The following HOOK1 variants were observed in gnomAD, a reference collection of about 807,000 sequenced individuals.
HOOK1 encodes the protein hook microtubule tethering protein 1.
Under a neutral mutation model 112.8 loss-of-function variants are expected in HOOK1, and 60 were observed. The observed-to-expected ratio is 0.53, with a 90% CI of 0.43 to 0.66. The LOEUF (loss-of-function observed/expected upper bound fraction) is 0.66. Among genes scored for constraint, HOOK1 ranks in the 30% least tolerant of loss-of-function variants. The probability of loss-of-function intolerance (pLI) is 0.00; values close to 1 mark genes in which losing one functional copy is unlikely to be tolerated. For missense variants in HOOK1, 770 were observed against 856.0 expected (o/e 0.90, Z 1.25); for synonymous variants, 294 against 283.8 (o/e 1.04, Z -0.36).
intron 12 of HOOK1, among the ~76,000 whole-genome samples, chr1:59,850,007 CA>C (rs1168818678): frequency 6.6e-6 from 1 of 151,412 alleles, no homozygotes; most frequent in African/African-American, 2.4e-5. Context: ...ATATGGTAAC[CA>C]AGTTTAACTT....
intron 12 of HOOK1, among the ~76,000 whole-genome samples, chr1:59,853,720 G>A (rs1175397953): frequency 6.6e-6 from 1 of 151,214 alleles, no homozygotes; most frequent in Non-Finnish European, 1.5e-5. Context: ...TAGTTCCTTA[G>A]TTTCTTTTAC....
intron 12 of HOOK1, among the ~76,000 whole-genome samples, chr1:59,854,026 ATATATATATATATTTTTTTTTTTTTTT>A (rs1376941554): frequency 1.8e-4 from 4 of 22,714 alleles, no homozygotes; most frequent in East Asian, 8.8e-4. Context: ...ATATATATAT[ATATATATATATATTTTTTTTTTTTTTT>A]TTTTTTTTTT....
At chr1:59,848,169 G>C (rs1432148445) in intron 10 of HOOK1, 146 bp from the exon 11 acceptor site, 2 of 596,316 alleles carry the variant, frequency 3.4e-6, no homozygotes, top group Admixed American at 6.6e-5. Context: ...TTCTTACAAA[G>C]TTTACAATTT....
intron 15 of HOOK1, among the ~76,000 whole-genome samples, chr1:59,862,511 G>C (rs182389565): frequency 6.6e-6 from 1 of 151,918 alleles, no homozygotes; most frequent in South Asian, 2.1e-4. Context: ...CAGTGAGTGC[G>C]GTGTAGAAAT....
chr1:59,860,720 A>G (rs374829545), intron 15 of HOOK1, among the ~76,000 whole-genome samples: 244 of 151,670 alleles, frequency 1.6e-3, no homozygotes, highest in African/African-American at 5.6e-3. Flanking sequence ...GAATAGCTGC[A>G]ATTAGAGACA....
chr1:59,832,992 C>T (rs1395025555), intron 4 of HOOK1, among the ~76,000 whole-genome samples: 1 of 152,088 alleles, frequency 6.6e-6, no homozygotes, highest in Non-Finnish European at 1.5e-5. Context: ...ATTTGTTGCT[C>T]ATTTGTAAAA....
Position 59,833,520 on chromosome 1 carries a change from A to G in HOOK1, c.389A>G (p.Asn130Ser), listed in dbSNP as rs768579712. ...CAGCTTATTTTAGGTTGTGCGATCA[A>G]CTGTGAAAAGAAGCAAGGTAAGTGA... Reference protein sequence around the residue: ...LLQLILGCAINCEKKQEHIQN... With the variant: ...LLQLILGCAISCEKKQEHIQN... Residue 130 changes from asparagine (N) to serine (S), a missense_variant, in exon 5 of 22, where the codon AAC becomes AGC. Asn to Ser is a conservative substitution (Grantham distance 46). This residue lies in a region of HOOK1 where 655 missense variants were observed against 725.9 expected (regional missense o/e 0.90). Transcript: ENST00000371208. 3 of 1,568,144 alleles carry G rather than the reference A, an allele frequency of 1.9e-6. No homozygotes were observed. The highest frequency in any genetic ancestry group is 1.8e-5 in the Admixed American group (1 of 56,504).
chr1:59,874,786 T>TATTA lies in HOOK1; in HGVS notation c.*1822_*1825dup, dbSNP rs1461706300. ...GTGAGTATTGTTCCATTTACAGTAT[T>TATTA]ATTATTTTTTAGATACCTGGTTTTT... On this transcript the variant is annotated 3_prime_UTR_variant, in exon 22 of 22. Transcript: ENST00000371208. 1 of 152,586 alleles carries TATTA rather than the reference T, an allele frequency of 6.6e-6. No homozygotes were observed. Among genetic ancestry groups the TATTA allele is most frequent in the African/African-American group, 2.4e-5 (1 of 41,462 alleles). The allele number at this position is 152,586 out of a possible 1,614,324, so 9.5% of individuals were successfully genotyped here.
At chr1:59,823,192 C>G (rs539842401) in intron 2 of HOOK1, among the ~76,000 whole-genome samples, 2 of 152,110 alleles carry the variant, frequency 1.3e-5, no homozygotes, top group East Asian at 1.9e-4. Context: ...TGGTGGCGGG[C>G]GCCTGTAGTC....
At position 59,864,522 on chromosome 1, in the gene HOOK1, T is replaced by C. The variant is rs370126630; in HGVS notation, c.1627-110T>C. ...TGGAAATACAAATTTTAAAAATATTTATAATTTTGCCTGGTACACCTTCAA... is the reference window on the plus strand; with the variant it reads ...TGGAAATACAAATTTTAAAAATATTCATAATTTTGCCTGGTACACCTTCAA... On this transcript the variant is annotated intron_variant, in intron 16 of 21. Transcript: ENST00000371208. 1.1e-4 allele frequency: 75 copies of C among 668,966 alleles called. 1 individual carries two copies. In the East Asian group the frequency reaches 1.8e-3, roughly 16 times the overall value. 41.4% of individuals were successfully genotyped at this position (668,966 alleles called of 1,614,324 possible). A position where few individuals can be genotyped will look rare whatever the true frequency, so the allele number is the denominator to read the frequency against.
chr1:59,872,816 G>A lies in HOOK1; in HGVS notation c.2038G>A (p.Gly680Arg), dbSNP rs1021491492. The A allele has an allele frequency of 4.9e-6, 7 of 1,437,084 alleles. No homozygotes were observed. Among genetic ancestry groups the A allele is most frequent in the Non-Finnish European group, 6.5e-6 (7 of 1,081,790 alleles). The allele number at this position is 1,437,084 out of a possible 1,614,324, so 89.0% of individuals were successfully genotyped here. The change falls in exon 22 of 22, where the codon GGG becomes AGG. Residue 680 changes from glycine (G) to arginine (R), a missense_variant. Gly to Arg is a moderately radical substitution (Grantham distance 125). Coordinates refer to ENST00000371208, the MANE Select transcript of HOOK1 (RefSeq NM_015888.6). Reference sequence around the variant, plus strand: ...TCAGAGTCTAGCATTCCAGAAACTGGGGATGGAATCTAGACTTGTGAGCGG... The same window carrying A: ...TCAGAGTCTAGCATTCCAGAAACTGAGGATGGAATCTAGACTTGTGAGCGG... Reference protein sequence around the residue: ...YNKSLAFQKLGMESRLVSGGG... With the variant: ...YNKSLAFQKLRMESRLVSGGG...
At chr1:59,867,492 C>G (rs1643987711) in intron 19 of HOOK1, among the ~76,000 whole-genome samples, 1 of 152,108 alleles carries the variant, frequency 6.6e-6, no homozygotes, top group Non-Finnish European at 1.5e-5. Flanking sequence ...ATGAAGTTTT[C>G]CTAACTCATT....
At chr1:59,853,258 C>T (rs75824831) in intron 12 of HOOK1, among the ~76,000 whole-genome samples, 2,404 of 151,868 alleles carry the variant, frequency 0.016, 49 homozygotes, top group African/African-American at 0.055. Context: ...CCTTTAATTC[C>T]GTCAGTTTTT....
chr1:59,830,113 G>A (rs1412064884), intron 3 of HOOK1, among the ~76,000 whole-genome samples: 5 of 152,092 alleles, frequency 3.3e-5, no homozygotes, highest in African/African-American at 4.8e-5. Flanking sequence ...TTTTATGACC[G>A]AACCTATGGT....
intron 9 of HOOK1, among the ~76,000 whole-genome samples, chr1:59,846,643 A>G (rs1055028517): frequency 7.4e-6 from 1 of 135,216 alleles, no homozygotes; most frequent in South Asian, 2.4e-4. Flanking sequence ...TCTTTCTAAC[A>G]TAGACCTTTA....
intron 20 of HOOK1, 45 bp downstream of exon 20, chr1:59,868,396 C>A: frequency 9.1e-7 from 1 of 1,096,960 alleles, no homozygotes; most frequent in South Asian, 1.3e-5. Context: ...TTTGTAGAAT[C>A]CTGGTAATTA....
At chr1:59,838,609 G>C (rs965256383) in intron 7 of HOOK1, among the ~76,000 whole-genome samples, 1 of 152,136 alleles carries the variant, frequency 6.6e-6, no homozygotes, top group Non-Finnish European at 1.5e-5. Context: ...CCCTTTGTCA[G>C]ATGGATAGAT....
chr1:59,825,925 C>T (rs1425663919), intron 2 of HOOK1, among the ~76,000 whole-genome samples: 1 of 152,092 alleles, frequency 6.6e-6, no homozygotes, highest in Non-Finnish European at 1.5e-5. Context: ...TATCCATGGA[C>T]ATACTTACAT....
intron 20 of HOOK1, 115 bp from the exon 21 acceptor site, chr1:59,870,927 T>C (rs1415908188): frequency 2.9e-6 from 2 of 696,976 alleles, no homozygotes; most frequent in Non-Finnish European, 5.0e-6. Context: ...ATTGTGTGCC[T>C]CACAAGTGCA....
Sources: gnomAD v4.1 joint callset for allele counts (sites outside exome capture counted in the v4.1 genomes callset) on GRCh38, gnomAD v4.1.1 for gene constraint, gnomAD v4.1.1 regional missense constraint, MANE v1.5 for transcripts, NCBI Gene and HGNC (gene_info 2026-07-23, HGNC 2026-07-21) for gene names.